The following COPS4 variants were observed in gnomAD, a reference collection of about 807,000 sequenced individuals.
COPS4 encodes COP9 signalosome subunit 4.
In COPS4, 8 loss-of-function variants were observed where a neutral mutation model predicts 55.1. The observed-to-expected ratio is 0.15, with a 90% CI of 0.09 to 0.26. The LOEUF is 0.26. COPS4 is among the 10% of genes least tolerant of loss of function. COPS4 has a pLI of 1.00. For synonymous variants in COPS4, 185 were observed against 165.7 expected, an observed-to-expected ratio of 1.12 and a Z score of -0.90; for missense variants, 248 against 484.0, an observed-to-expected ratio of 0.51 and a Z score of 4.58.
chr4:83,039,808 A>AT (rs920725330), intron 1 of COPS4, among the ~76,000 whole-genome samples: 3 of 151,902 alleles, frequency 2.0e-5, no homozygotes, highest in South Asian at 2.1e-4. Context: ...ATTTAAAAAC[A>AT]TTTTTTTTGG....
chr4:83,069,297 T>C (rs1731362219), intron 9 of COPS4, among the ~76,000 whole-genome samples: 1 of 152,200 alleles, frequency 6.6e-6, no homozygotes, highest in South Asian at 2.1e-4. Context: ...ATTTGAAATA[T>C]CTCACTCTGG....
chr4:83,054,069 G>A (rs571305432), intron 4 of COPS4, among the ~76,000 whole-genome samples: 6 of 152,034 alleles, frequency 3.9e-5, no homozygotes, highest in South Asian at 2.1e-4. Flanking sequence ...TTGGCCAGGC[G>A]CGGTGGCTCA....
chr4:83,051,819 C>T (rs1384026143), intron 4 of COPS4, among the ~76,000 whole-genome samples: 1 of 152,070 alleles, frequency 6.6e-6, no homozygotes, highest in Non-Finnish European at 1.5e-5. Flanking sequence ...GGCAAAAGGA[C>T]TGAGTATAGT....
chr4:83,045,682 C>G lies in COPS4; in HGVS notation c.131C>G (p.Ala44Gly). 1 of 1,612,498 alleles carries G rather than the reference C, an allele frequency of 6.2e-7. No individual in the cohort carries two copies. The highest frequency in any genetic ancestry group is 8.5e-7 in the Non-Finnish European group (1 of 1,179,054). ...TTATCTGGAGCAGAACAACTAGAAG[C>G]TTTGAAAGCTTTTGTGGAAGCAAGT... ...IQLSGAEQLE[A>G]LKAFVEAMVN... Residue 44 changes from alanine (A) to glycine (G), a missense_variant, in exon 2 of 10, where the codon GCT (alanine) becomes GGT (glycine). Ala to Gly is a moderately conservative substitution (Grantham distance 60, BLOSUM62 0). Around this residue, in one of 4 missense-constraint regions of COPS4, gnomAD observed 55 missense variants for 62.8 expected, o/e 0.88. Coordinates refer to ENST00000264389, the MANE Select transcript of COPS4 (RefSeq NM_016129.3).
intron 7 of COPS4, among the ~76,000 whole-genome samples, chr4:83,064,421 A>G (rs957097039): frequency 1.3e-5 from 2 of 152,166 alleles, no homozygotes; most frequent in African/African-American, 4.8e-5. Flanking sequence ...TTACTTTCAC[A>G]TTGTTGTGCA....
chr4:83,048,878 G>A (rs1041173375), intron 2 of COPS4, among the ~76,000 whole-genome samples: 2 of 151,920 alleles, frequency 1.3e-5, no homozygotes, highest in South Asian at 2.1e-4. Context: ...AACTCCTGAC[G>A]TCGTGATCTG....
intron 3 of COPS4, 44 bp from the exon 4 acceptor site, chr4:83,049,837 T>G: frequency 1.8e-6 from 2 of 1,089,600 alleles, no homozygotes; most frequent in South Asian, 3.3e-5. Context: ...AATTAGTTAC[T>G]AATGTCAGTT....
intron 2 of COPS4, among the ~76,000 whole-genome samples, chr4:83,047,111 C>T (rs573304992): frequency 2.6e-5 from 4 of 152,286 alleles, no homozygotes; most frequent in Non-Finnish European, 5.9e-5. Flanking sequence ...TGCCTTAAAA[C>T]TTAAAAGGTT....
intron 7 of COPS4, 46 bp from the exon 8 acceptor site, chr4:83,066,392 G>A: frequency 1.1e-6 from 1 of 943,690 alleles, no homozygotes; most frequent in Non-Finnish European, 1.6e-6. Flanking sequence ...TCTTTTTAGA[G>A]TATAAAACTA....
intron 1 of COPS4, among the ~76,000 whole-genome samples, chr4:83,041,271 C>T (rs1392878576): frequency 1.3e-5 from 2 of 151,952 alleles, no homozygotes; most frequent in Non-Finnish European, 2.9e-5. Context: ...CCATGTTGGG[C>T]AGGCTGGTCT....
At position 83,057,236 on chromosome 4, in the gene COPS4, T is replaced by G. The variant is rs754191166; in HGVS notation, c.565-22T>G. The stretch of plus-strand genomic sequence containing the variant: ...CTTGCTTTTTAATTTGTCCCCTAAT[T>G]GAAATATTTTCCCTCTGTTAGGTAT... On this transcript the variant is annotated intron_variant, in intron 5 of 9. Transcript: ENST00000264389. 6 of 1,565,458 alleles carry G rather than the reference T, an allele frequency of 3.8e-6. No individual in the cohort carries two copies. The Admixed American group carries it at 1.2e-4, about 31-fold the overall frequency.
intron 7 of COPS4, among the ~76,000 whole-genome samples, chr4:83,064,869 CTTTTTTTTTTTTTTTT>C (rs140166684): frequency 5.4e-5 from 4 of 73,628 alleles, no homozygotes; most frequent in East Asian, 5.5e-4. Context: ...TAAGCAGTCC[CTTTTTTTTTTTTTTTT>C]TTTTTTTTTT....
Position 83,049,197 on chromosome 4 carries a change from G to C in COPS4, c.186G>C (p.Ser62=). ...ATGAGAATGTCAGTCTCGTGATCTCGCGGCAGTTGCTGACTGATTTTTGCA... is the reference window on the plus strand; with the variant it reads ...ATGAGAATGTCAGTCTCGTGATCTCCCGGCAGTTGCTGACTGATTTTTGCA... ...MVNENVSLVI[S]RQLLTDFCTH... Residue 62 remains serine, a synonymous_variant, in exon 3 of 10, where the codon TCG becomes TCC. Transcript: ENST00000264389. 1 of 1,603,894 alleles carries C rather than the reference G, an allele frequency of 6.2e-7. No homozygotes were observed. Among genetic ancestry groups the C allele is most frequent in the Non-Finnish European group, 8.5e-7 (1 of 1,177,056 alleles).
At position 83,070,400 on chromosome 4, in the gene COPS4, T is replaced by C. The variant is rs143180337; in HGVS notation, c.1087+1878T>C. ...TACTAAGGTGTTTCTACCTGATTGC[T>C]TCATGGGCATCTTAGCATGAACATA... On this transcript the variant is annotated intron_variant, in intron 9 of 9. Coordinates refer to ENST00000264389, the MANE Select transcript of COPS4 (RefSeq NM_016129.3). 2.4e-3 allele frequency among the ~76,000 whole-genome samples: 369 copies of C among 152,342 alleles called. 3 individuals are homozygous for C. The highest frequency in any genetic ancestry group is 8.5e-3 in the African/African-American group (354 of 41,576).
chr4:83,062,242 A>G (rs997511091), intron 6 of COPS4, among the ~76,000 whole-genome samples: 2 of 152,230 alleles, frequency 1.3e-5, no homozygotes, highest in African/African-American at 2.4e-5. Context: ...GAAATAATTA[A>G]TGTTTATTGT....
At chr4:83,036,958 G>A (rs1379444775) in intron 1 of COPS4, among the ~76,000 whole-genome samples, 5 of 152,242 alleles carry the variant, frequency 3.3e-5, no homozygotes, top group African/African-American at 1.2e-4. Flanking sequence ...TACTTAAAGC[G>A]TGCTTCAGTT....
At chr4:83,046,195 A>G (rs1371085467) in intron 2 of COPS4, among the ~76,000 whole-genome samples, 1 of 152,160 alleles carries the variant, frequency 6.6e-6, no homozygotes, top group South Asian at 2.1e-4. Context: ...TTAATGTTCA[A>G]CATCACTAAT....
intron 2 of COPS4, among the ~76,000 whole-genome samples, chr4:83,048,195 A>G (rs1309285419): frequency 3.3e-5 from 5 of 152,248 alleles, no homozygotes; most frequent in Non-Finnish European, 7.3e-5. Flanking sequence ...GATGTTACAC[A>G]TGAGGAAACA....
At position 83,056,228 on chromosome 4, in the gene COPS4, G is replaced by A. The variant is rs150584418; in HGVS notation, c.411-698G>A. Among the ~76,000 whole-genome samples the A allele has an allele frequency of 7.2e-3, 1,099 of 152,102 alleles. 9 individuals are homozygous for A. The highest frequency in any genetic ancestry group is 0.025 in the African/African-American group (1,026 of 41,514). ...AATACAGGCATGAGCCACCACGCCC[G>A]GCCTTAGGATTTATTTTCTAAAGGT... On this transcript the variant is annotated intron_variant, in intron 4 of 9. Coordinates refer to ENST00000264389, the MANE Select transcript of COPS4 (RefSeq NM_016129.3).
Sources: gnomAD v4.1 joint callset for allele counts (sites outside exome capture counted in the v4.1 genomes callset) on GRCh38, gnomAD v4.1.1 for gene constraint, gnomAD v4.1.1 regional missense constraint, MANE v1.5 for transcripts, NCBI Gene and HGNC (gene_info 2026-07-23, HGNC 2026-07-21) for gene names.